DEK: variants seen among roughly 807,000 people sequenced by gnomAD.
DEK encodes the protein protein DEK.
DEK carries 28 observed loss-of-function variants against 46.8 expected under a neutral mutation model. The observed-to-expected ratio is 0.60, with a 90% CI of 0.44 to 0.82. The LOEUF is 0.82. DEK is among the 40% of genes least tolerant of loss of function. The probability of loss-of-function intolerance (pLI) is 0.00; values close to 1 mark genes in which losing one functional copy is unlikely to be tolerated. For synonymous variants in DEK, 160 were observed against 144.5 expected, an observed-to-expected ratio of 1.11 and a Z score of -0.77; for missense variants, 416 against 430.6, an observed-to-expected ratio of 0.97 and a Z score of 0.30.
At chr6:18,243,852 A>C (rs778599049) in intron 7 of DEK, among the ~76,000 whole-genome samples, 4 of 152,280 alleles carry the variant, frequency 2.6e-5, no homozygotes, top group Admixed American at 6.5e-5. Context: ...CAAAAAATTT[A>C]AAAATTGCTA....
intron 2 of DEK, 85 bp from the exon 3 acceptor site, chr6:18,258,490 C>T: frequency 1.0e-6 from 1 of 968,640 alleles, no homozygotes; most frequent in Non-Finnish European, 1.6e-6. Context: ...GAACAAAGTC[C>T]CCAAAACCTA....
At position 18,260,273 on chromosome 6, in the gene DEK, TA is replaced by T. The variant is rs764720657; in HGVS notation, c.146-1869del. Among the ~76,000 whole-genome samples the T allele has an allele frequency of 4.9e-4, 75 of 152,266 alleles. 1 individual carries two copies. Among genetic ancestry groups the T allele is most frequent in the Middle Eastern group, 6.8e-3 (2 of 292 alleles). ...GTTATACTGTATTGTTTAGGAATAATAAAAAAATCTGTACATGTTCAGTACA... is the reference window on the plus strand; with the variant it reads ...GTTATACTGTATTGTTTAGGAATAATAAAAAATCTGTACATGTTCAGTACA... On this transcript the variant is annotated intron_variant, in intron 2 of 10. Transcript: ENST00000652689.
intron 7 of DEK, among the ~76,000 whole-genome samples, chr6:18,239,891 A>T (rs891240673): frequency 1.1e-4 from 16 of 152,224 alleles, no homozygotes; most frequent in Admixed American, 8.5e-4. Flanking sequence ...CTTAATACAC[A>T]GAATACAATA....
Position 18,225,744 on chromosome 6 carries a change from G to T in DEK, c.1117-14C>A. 1 of 1,612,696 alleles carries T rather than the reference G, an allele frequency of 6.2e-7. No homozygotes were observed. The highest frequency in any genetic ancestry group is 8.5e-7 in the Non-Finnish European group (1 of 1,179,278). On this transcript the variant is annotated splice_polypyrimidine_tract_variant and intron_variant, in intron 10 of 10. Transcript: ENST00000652689. The stretch of plus-strand genomic sequence containing the variant: ...TCAAGAAATTAGCTGTAATGAAAGA[G>T]AAACATTATTTTGCCATAAATCATA...
intron 7 of DEK, among the ~76,000 whole-genome samples, chr6:18,242,313 G>T (rs1013911207): frequency 6.6e-6 from 1 of 152,178 alleles, no homozygotes; most frequent in African/African-American, 2.4e-5. Context: ...AGTGAGTATC[G>T]ATCGTGCCAC....
In DEK at chr6:18,239,314, A is replaced by G. The variant is rs990314645; in HGVS notation, c.763-1798T>C. On this transcript the variant is annotated intron_variant, in intron 7 of 10. Coordinates refer to ENST00000652689, the MANE Select transcript of DEK (RefSeq NM_003472.4). ...ATCAATCTGTTCCAAAAGTGGCCTC[A>G]AGCTATTCATTGGATTTTAGTGTCT... is the stretch of plus-strand genomic sequence containing the variant. Among the ~76,000 whole-genome samples the G allele has an allele frequency of 2.7e-5, 4 of 150,278 alleles. No homozygotes were observed. In the South Asian group the frequency reaches 6.3e-4, roughly 24 times the overall value.
chr6:18,239,972 T>G (rs1198088709), intron 7 of DEK, among the ~76,000 whole-genome samples: 3 of 152,224 alleles, frequency 2.0e-5, no homozygotes, highest in Non-Finnish European at 4.4e-5. Context: ...GAAAGTAAGT[T>G]ATTACTGAAA....
intron 9 of DEK, among the ~76,000 whole-genome samples, chr6:18,235,788 T>C (rs1466758397): frequency 6.6e-6 from 1 of 152,236 alleles, no homozygotes; most frequent in Non-Finnish European, 1.5e-5. Flanking sequence ...CACATCTAGC[T>C]TCTACCTGTA....
chr6:18,228,638 G>A (rs1255012256), intron 9 of DEK, among the ~76,000 whole-genome samples: 1 of 152,188 alleles, frequency 6.6e-6, no homozygotes, highest in Non-Finnish European at 1.5e-5. Flanking sequence ...AGGAAGCTGT[G>A]ATAGACGGCA....
chr6:18,261,899 G>A (rs1335456809), intron 2 of DEK, among the ~76,000 whole-genome samples: 2 of 152,158 alleles, frequency 1.3e-5, no homozygotes, highest in Non-Finnish European at 2.9e-5. Flanking sequence ...ATGAGAGTTG[G>A]GGGACCGGGG....
chr6:18,260,916 G>A (rs1791829210), intron 2 of DEK, among the ~76,000 whole-genome samples: 1 of 151,026 alleles, frequency 6.6e-6, no homozygotes, highest in African/African-American at 2.4e-5. Flanking sequence ...AGCCTGGGAG[G>A]CAGAGTTTGC....
At chr6:18,240,854 G>A (rs1790863043) in intron 7 of DEK, among the ~76,000 whole-genome samples, 1 of 152,096 alleles carries the variant, frequency 6.6e-6, no homozygotes, top group African/African-American at 2.4e-5. Flanking sequence ...TATAAACACA[G>A]TGAGACAAAC....
chr6:18,231,089 G>A (rs180845944), intron 9 of DEK, among the ~76,000 whole-genome samples: 1 of 152,070 alleles, frequency 6.6e-6, no homozygotes, highest in Non-Finnish European at 1.5e-5. Context: ...CAACTACATG[G>A]AAACTGAACA....
At chr6:18,253,866 C>T (rs1791494761) in intron 6 of DEK, among the ~76,000 whole-genome samples, 1 of 151,992 alleles carries the variant, frequency 6.6e-6, no homozygotes, top group African/African-American at 2.4e-5. Context: ...GAGCGTGCCT[C>T]AGCGCCTGGC....
chr6:18,261,574 A>AAACC (rs111483984), intron 2 of DEK, among the ~76,000 whole-genome samples: 16 of 152,150 alleles, frequency 1.1e-4, no homozygotes, highest in South Asian at 2.1e-4. Flanking sequence ...TCCGTTTCAA[A>AAACC]AAACAAACAA....
Position 18,262,047 on chromosome 6 carries a change from G to A in DEK, c.145+1796C>T, listed in dbSNP as rs11752968. 9.4e-3 allele frequency among the ~76,000 whole-genome samples: 1,430 copies of A among 152,244 alleles called. 13 individuals carry two copies. Among genetic ancestry groups the A allele is most frequent in the Admixed American group, 0.017 (262 of 15,288 alleles). ...CATGAACGGCTTAGCATGGTAATCC[G>A]TGGTGGTGAGTGAGTTCTCTCAAGA... On this transcript the variant is annotated intron_variant, in intron 2 of 10. Transcript: ENST00000652689.
chr6:18,258,325 C>G lies in DEK; in HGVS notation c.226G>C (p.Glu76Gln). ...LTMQVSSLQR[E>Q]PFTIAQGKGQ... ...TTACCTTGTGCAATTGTAAATGGCTCTCTCTGTAAGGAAGAGACTTGCATT... is the reference window on the plus strand; with the variant it reads ...TTACCTTGTGCAATTGTAAATGGCTGTCTCTGTAAGGAAGAGACTTGCATT... The change falls in exon 3 of 11, where the codon GAG becomes CAG. Residue 76 changes from glutamate to glutamine, a missense_variant. Transcript: ENST00000652689. 1.9e-6 allele frequency: 3 copies of G among 1,611,756 alleles called. No homozygotes were observed. Among genetic ancestry groups the G allele is most frequent in the Non-Finnish European group, 2.5e-6 (3 of 1,179,424 alleles).
At chr6:18,248,431 T>TTA (rs901879021) in intron 7 of DEK, among the ~76,000 whole-genome samples, 12 of 152,184 alleles carry the variant, frequency 7.9e-5, no homozygotes, top group Non-Finnish European at 1.6e-4. Context: ...ATTTCCACTG[T>TTA]TATATATATA....
intron 9 of DEK, among the ~76,000 whole-genome samples, chr6:18,234,635 A>C (rs1232317437): frequency 6.6e-6 from 1 of 152,098 alleles, no homozygotes; most frequent in Non-Finnish European, 1.5e-5. Flanking sequence ...ATTATTATGA[A>C]TTCCTTCAAT....
Sources: allele counts gnomAD v4.1 joint callset (sites outside exome capture counted in the v4.1 genomes callset), GRCh38; gene constraint gnomAD v4.1.1; transcripts MANE v1.5; gene names NCBI Gene and HGNC (gene_info 2026-07-23, HGNC 2026-07-21).